Variants in PALM2AKAP2 observed in about 807,000 individuals in gnomAD.
PALM2AKAP2 encodes PALM2-AKAP2 fusion protein.
PALM2AKAP2 carries 37 observed loss-of-function variants against 71.5 expected under a neutral mutation model. That is an observed-to-expected ratio of 0.52 (90% confidence interval 0.40 to 0.68). The LOEUF (loss-of-function observed/expected upper bound fraction) is 0.68. PALM2AKAP2 is among the 30% of genes least tolerant of loss of function. The pLI, the probability that PALM2AKAP2 is intolerant of heterozygous loss-of-function variation, is 0.00. For synonymous variants in PALM2AKAP2, 468 were observed against 478.8 expected (o/e 0.98, Z 0.29); for missense variants, 1,224 against 1,191.8 (o/e 1.03, Z -0.40).
intron 1 of PALM2AKAP2, among the ~76,000 whole-genome samples, chr9:109,754,552 T>A (rs1486891102): frequency 6.6e-6 from 1 of 152,140 alleles, no homozygotes; most frequent in African/African-American, 2.4e-5. Flanking sequence ...CCCATCTGTC[T>A]TAGTCAGTTT....
At chr9:110,000,833 A>G (rs1477795257) in intron 6 of PALM2AKAP2, among the ~76,000 whole-genome samples, 2 of 152,150 alleles carry the variant, frequency 1.3e-5, no homozygotes, top group African/African-American at 4.8e-5. Context: ...GTCTGTTCAT[A>G]TCCTTCGCCC....
At chr9:110,018,146 CT>C (rs944990909) in intron 7 of PALM2AKAP2, among the ~76,000 whole-genome samples, 23 of 152,244 alleles carry the variant, frequency 1.5e-4, no homozygotes, top group African/African-American at 5.5e-4. Flanking sequence ...TTGGGTCCCT[CT>C]AGTTTAGACA....
At chr9:110,139,200 C>T (rs1265047259) in intron 2 of PALM2AKAP2, among the ~76,000 whole-genome samples, 1 of 152,210 alleles carries the variant, frequency 6.6e-6, no homozygotes, top group African/African-American at 2.4e-5. Context: ...TCTTTAATCC[C>T]TTCATATTGC....
intron 1 of PALM2AKAP2, among the ~76,000 whole-genome samples, chr9:109,702,430 G>A (rs145528162): frequency 0.042 from 6,459 of 152,168 alleles, 186 homozygotes; most frequent in Non-Finnish European, 0.053. Flanking sequence ...GGATGAGTTC[G>A]TGTCCTTTGT....
At chr9:109,865,445 C>A (rs114291555) in intron 1 of PALM2AKAP2, among the ~76,000 whole-genome samples, 2 of 152,078 alleles carry the variant, frequency 1.3e-5, no homozygotes, top group African/African-American at 4.8e-5. Flanking sequence ...ACTCTACATC[C>A]TTCATGACCA....
At chr9:109,671,852 T>C (rs114000469) in intron 1 of PALM2AKAP2, among the ~76,000 whole-genome samples, 2,107 of 152,284 alleles carry the variant, frequency 0.014, 60 homozygotes, top group African/African-American at 0.048. Context: ...TTATTATTTT[T>C]GTGGCAATTG....
At chr9:109,974,433 A>C (rs990001610) in intron 6 of PALM2AKAP2, among the ~76,000 whole-genome samples, 1 of 151,490 alleles carries the variant, frequency 6.6e-6, no homozygotes, top group Admixed American at 6.6e-5. Context: ...CCTTACCTAC[A>C]CTCAGAGCCA....
At chr9:109,666,653 C>A (rs965464300) in intron 1 of PALM2AKAP2, among the ~76,000 whole-genome samples, 1 of 152,220 alleles carries the variant, frequency 6.6e-6, no homozygotes, top group Non-Finnish European at 1.5e-5. Flanking sequence ...CTCCCACTTG[C>A]AATTTGGATT....
At chr9:109,929,445 C>T (rs1251884412) in intron 5 of PALM2AKAP2, among the ~76,000 whole-genome samples, 2 of 152,116 alleles carry the variant, frequency 1.3e-5, no homozygotes, top group Non-Finnish European at 2.9e-5. Context: ...CACCCACCTG[C>T]CCCTACCCCC....
intron 1 of PALM2AKAP2, among the ~76,000 whole-genome samples, chr9:109,823,213 T>TAC (rs757694030): frequency 5.3e-4 from 81 of 152,228 alleles, no homozygotes; most frequent in African/African-American, 1.9e-3. Context: ...TGCCCAAGTC[T>TAC]ACACACACAG....
exon 4 of PALM2AKAP2, chr9:110,170,407 T>C (rs1348224590): frequency 6.5e-6 from 1 of 152,676 alleles, no homozygotes; most frequent in Non-Finnish European, 1.5e-5. Context: ...TTTCCTTTGC[T>C]TCTTTTATTA....
intron 1 of PALM2AKAP2, among the ~76,000 whole-genome samples, chr9:109,785,175 A>G (rs1214311678): frequency 6.6e-6 from 1 of 152,236 alleles, no homozygotes; most frequent in Non-Finnish European, 1.5e-5. Context: ...CAGCATGAGT[A>G]TGTTTATATA....
At chr9:109,828,821 G>A (rs560766395) in intron 1 of PALM2AKAP2, among the ~76,000 whole-genome samples, 8 of 152,338 alleles carry the variant, frequency 5.3e-5, no homozygotes, top group Admixed American at 1.3e-4. Context: ...ATATCAGCAC[G>A]TGGATCTCAT....
chr9:109,761,396 T>A (rs909220147), intron 1 of PALM2AKAP2, among the ~76,000 whole-genome samples: 1 of 152,198 alleles, frequency 6.6e-6, no homozygotes, highest in South Asian at 2.1e-4. Context: ...TCGGGATACA[T>A]GTGCAGAATG....
intron 2 of PALM2AKAP2, 126 bp downstream of exon 2, chr9:109,867,697 C>G: frequency 9.3e-7 from 1 of 1,079,900 alleles, no homozygotes; most frequent in South Asian, 1.7e-5. Flanking sequence ...TTCATTCAAT[C>G]AGGAAACCAT....
chr9:110,035,841 TAA>T (rs1833397275), intron 7 of PALM2AKAP2, among the ~76,000 whole-genome samples: 5 of 145,972 alleles, frequency 3.4e-5, no homozygotes, highest in South Asian at 2.1e-4. Context: ...GTGTTATATA[TAA>T]TATATATGAT....
At chr9:109,663,501 G>A (rs951922149) in intron 1 of PALM2AKAP2, among the ~76,000 whole-genome samples, 2 of 152,206 alleles carry the variant, frequency 1.3e-5, no homozygotes, top group African/African-American at 2.4e-5. Context: ...GTGGTTTTGA[G>A]TGAGTTTCTT....
chr9:109,971,827 G>A (rs2132157351), intron 6 of PALM2AKAP2, among the ~76,000 whole-genome samples: 1 of 152,242 alleles, frequency 6.6e-6, no homozygotes. Flanking sequence ...GTGACCCACT[G>A]CACACTACAC....
At chr9:109,669,863 T>A (rs1410050063) in intron 1 of PALM2AKAP2, among the ~76,000 whole-genome samples, 1 of 152,020 alleles carries the variant, frequency 6.6e-6, no homozygotes, top group Non-Finnish European at 1.5e-5. Flanking sequence ...TATTCCAAAG[T>A]ACCAACTTTT....
Sources: allele counts gnomAD v4.1 joint callset (sites outside exome capture counted in the v4.1 genomes callset), GRCh38; gene constraint gnomAD v4.1.1; transcripts MANE v1.5; gene names NCBI Gene and HGNC (gene_info 2026-07-23, HGNC 2026-07-21).